FRMD4B: variants seen among roughly 807,000 people sequenced by gnomAD.
The protein encoded by FRMD4B is FERM domain-containing protein 4B.
A neutral mutation model predicts 141.5 loss-of-function variants in FRMD4B; 74 were observed. The ratio of observed to expected loss-of-function variants is 0.52; its 90% CI spans 0.43 to 0.63. The LOEUF (loss-of-function observed/expected upper bound fraction) is 0.63. Among genes scored for constraint, FRMD4B ranks in the 30% least tolerant of loss-of-function variants. The probability of loss-of-function intolerance (pLI) is 0.00; values close to 1 mark genes in which losing one functional copy is unlikely to be tolerated. For missense variants in FRMD4B, 1,366 were observed against 1,253.4 expected, an observed-to-expected ratio of 1.09 and a Z score of -1.36; for synonymous variants, 506 against 467.9, an observed-to-expected ratio of 1.08 and a Z score of -1.05.
Position 69,195,046 on chromosome 3 carries a change from A to T in FRMD4B, c.1464T>A (p.Asp488Glu). The T allele has an allele frequency of 1.2e-6, 2 of 1,613,856 alleles. No individual in the cohort carries two copies. Among genetic ancestry groups the T allele is most frequent in the African/African-American group, 1.3e-5 (1 of 75,052 alleles). ...RRRVGTAFKL[D>E]DNLLPSEEDP... ...CTTCTTCACTCGGCAGCAAGTTGTC[A>T]TCTAATTTGAACGCAGTACCCACAC... The change falls in exon 16 of 23, where the codon GAT (aspartate) becomes GAA (glutamate). Residue 488 changes from aspartate (D) to glutamate (E), a missense_variant. By Grantham distance (45) the Asp-to-Glu change is conservative. Transcript: ENST00000398540.
At chr3:69,366,755 C>T (rs1703671744) in intron 1 of FRMD4B, among the ~76,000 whole-genome samples, 1 of 151,628 alleles carries the variant, frequency 6.6e-6, no homozygotes, top group African/African-American at 2.4e-5. Context: ...AATTAATAGT[C>T]TTTGTATTTT....
chr3:69,522,430 C>T (rs1209815188), intron 1 of FRMD4B, among the ~76,000 whole-genome samples: 1 of 152,196 alleles, frequency 6.6e-6, no homozygotes, highest in East Asian at 1.9e-4. Flanking sequence ...ATAGAAAAAA[C>T]ATTTAACACT....
intron 1 of FRMD4B, among the ~76,000 whole-genome samples, chr3:69,453,807 C>T (rs1041695985): frequency 2.6e-5 from 4 of 152,024 alleles, no homozygotes; most frequent in Non-Finnish European, 5.9e-5. Flanking sequence ...TCCATGTAGC[C>T]AAGAAAAGTG....
At chr3:69,265,115 G>A (rs938165473) in intron 5 of FRMD4B, among the ~76,000 whole-genome samples, 8 of 150,108 alleles carry the variant, frequency 5.3e-5, no homozygotes. Flanking sequence ...ATTAGCCGGG[G>A]GCAGTGGTGG....
rs115386828 is a variant in FRMD4B at position 69,343,423 on chromosome 3, C to T, written c.163-29906G>A. Among the ~76,000 whole-genome samples the T allele has an allele frequency of 9.5e-3, 1,441 of 152,228 alleles. 24 individuals are homozygous for T. The highest frequency in any genetic ancestry group is 0.033 in the African/African-American group (1,355 of 41,520). ...AGCCTATCAAAAACAGAACCTTTAA[C>T]CACGGACTCCTGAATGCTTTAGGGT... On this transcript the variant is annotated intron_variant, in intron 1 of 22. Transcript: ENST00000398540.
intron 1 of FRMD4B, among the ~76,000 whole-genome samples, chr3:69,360,925 TACTA>T (rs1159141687): frequency 6.6e-6 from 1 of 152,160 alleles, no homozygotes; most frequent in Non-Finnish European, 1.5e-5. Flanking sequence ...ATCCCTTACT[TACTA>T]GTGAGAATAT....
chr3:69,274,889 C>G (rs753830345), intron 5 of FRMD4B, among the ~76,000 whole-genome samples: 2 of 152,148 alleles, frequency 1.3e-5, no homozygotes, highest in Non-Finnish European at 2.9e-5. Flanking sequence ...ACATCTAGGT[C>G]CTAGGGATTC....
In FRMD4B at chr3:69,353,632, T is replaced by TGC. The variant is rs1215800241; in HGVS notation, c.162+32195_162+32196insGC. 17 of 981,580 alleles carry TGC rather than the reference T, an allele frequency of 1.7e-5. No individual in the cohort carries two copies. The African/African-American group carries it at 2.6e-4, about 15-fold the overall frequency. 60.8% of individuals were successfully genotyped at this position (981,580 alleles called of 1,614,324 possible). On this transcript the variant is annotated intron_variant, in intron 1 of 22. Transcript: ENST00000398540. ...ACACGTATTAAGCACTTGTGCGGTGTGTGTGTGTGTGCGCGCGCGTGTGTG... is the reference window on the plus strand; with the variant it reads ...ACACGTATTAAGCACTTGTGCGGTGTGCGTGTGTGTGTGCGCGCGCGTGTGTG...
chr3:69,335,519 G>C (rs568547582), intron 1 of FRMD4B, among the ~76,000 whole-genome samples: 1 of 151,658 alleles, frequency 6.6e-6, no homozygotes, highest in African/African-American at 2.4e-5. Context: ...TTACAGGCAC[G>C]CACCACCATG....
At chr3:69,216,106 A>C (rs544797847) in intron 11 of FRMD4B, among the ~76,000 whole-genome samples, 157 bp downstream of exon 11, 1 of 151,518 alleles carries the variant, frequency 6.6e-6, no homozygotes, top group Non-Finnish European at 1.5e-5. Flanking sequence ...GTGAGCCACT[A>C]TCAGCCCACT....
At chr3:69,450,383 G>A (rs1030888539) in intron 1 of FRMD4B, among the ~76,000 whole-genome samples, 19 of 152,102 alleles carry the variant, frequency 1.2e-4, no homozygotes, top group Non-Finnish European at 2.4e-4. Context: ...CAGCTACTTG[G>A]GAGACTGAGG....
At position 69,422,382 on chromosome 3, in the gene FRMD4B, G is replaced by GA. The variant is rs374932228; in HGVS notation, c.-1+10251dup. Among the ~76,000 whole-genome samples, 458 of 122,708 alleles carry GA rather than the reference G, an allele frequency of 3.7e-3. 7 individuals carry two copies. Among genetic ancestry groups the GA allele is most frequent in the South Asian group, 0.011 (44 of 3,828 alleles). The allele number at this position is 122,708 out of a possible 152,430, so 80.5% of individuals were successfully genotyped here. A position where few individuals can be genotyped will look rare whatever the true frequency, so the allele number is the denominator to read the frequency against. On this transcript the variant is annotated intron_variant, in intron 2 of 5. Coordinates refer to the FRMD4B transcript ENST00000459638. Reference sequence around the variant, plus strand: ...AGCCTGAGCAACAGAGCGAGACTCTGAAAAAAAAAAAAAAAGAAGAGAAAA... The same window carrying GA: ...AGCCTGAGCAACAGAGCGAGACTCTGAAAAAAAAAAAAAAAAGAAGAGAAAA...
rs869209332 is a variant in FRMD4B, at chr3:69,281,823, C to CAAA, written c.501+5926_501+5928dup. The stretch of plus-strand genomic sequence containing the variant: ...TGGGTGACAGAGTAAGACTCCGTCT[C>CAAA]AAAAAAAAAAAAAAAATATATATAT... On this transcript the variant is annotated intron_variant, in intron 5 of 22. Coordinates refer to ENST00000398540, the MANE Select transcript of FRMD4B (RefSeq NM_015123.3). Among the ~76,000 whole-genome samples, 454 of 131,438 alleles carry CAAA rather than the reference C, an allele frequency of 3.5e-3. 3 individuals are homozygous for CAAA. The highest frequency in any genetic ancestry group is 0.012 in the African/African-American group (430 of 35,072). The allele number at this position is 131,438 out of a possible 152,430, so 86.2% of individuals were successfully genotyped here.
At chr3:69,325,775 T>C (rs1210478273) in intron 1 of FRMD4B, among the ~76,000 whole-genome samples, 2 of 152,182 alleles carry the variant, frequency 1.3e-5, no homozygotes, top group African/African-American at 2.4e-5. Context: ...TTATTGAGTA[T>C]AGGTTAGGTG....
intron 1 of FRMD4B, among the ~76,000 whole-genome samples, chr3:69,514,783 G>C (rs1700725969): frequency 6.6e-6 from 1 of 152,006 alleles, no homozygotes; most frequent in Non-Finnish European, 1.5e-5. Flanking sequence ...GGATGTCCGT[G>C]TTACCCAAAA....
chr3:69,465,553 C>T (rs1472304347), intron 1 of FRMD4B, among the ~76,000 whole-genome samples: 4 of 151,896 alleles, frequency 2.6e-5, no homozygotes, highest in African/African-American at 9.7e-5. Context: ...CCCCCAGCCC[C>T]CGACAGGCCC....
rs192287776 is a variant in FRMD4B at position 69,475,775 on chromosome 3, C to T, written c.-128-43014G>A. Among the ~76,000 whole-genome samples, 319 of 150,810 alleles carry T rather than the reference C, an allele frequency of 2.1e-3. 1 individual carries two copies. Among genetic ancestry groups the T allele is most frequent in the Non-Finnish European group, 4.0e-3 (270 of 67,880 alleles). ...TTTCTAGTTCTAGATCCCTGGGAAT[C>T]GCCACACCGACTTCCACAATGGTTG... On this transcript the variant is annotated intron_variant, in intron 1 of 5. Coordinates refer to the FRMD4B transcript ENST00000459638.
chr3:69,214,830 C>G (rs936919324), intron 11 of FRMD4B, among the ~76,000 whole-genome samples: 3 of 151,958 alleles, frequency 2.0e-5, no homozygotes, highest in African/African-American at 7.3e-5. Flanking sequence ...CCACTGCACT[C>G]CAGCCAAGGG....
At chr3:69,189,639 GAGACTT>G (rs2092814673) in intron 18 of FRMD4B, among the ~76,000 whole-genome samples, 1 of 152,182 alleles carries the variant, frequency 6.6e-6, no homozygotes, top group Non-Finnish European at 1.5e-5. Flanking sequence ...TCCTTACTGA[GAGACTT>G]AGATACTCCC....
Sources: gnomAD v4.1 joint callset for allele counts (sites outside exome capture counted in the v4.1 genomes callset) on GRCh38, gnomAD v4.1.1 for gene constraint, MANE v1.5 for transcripts, NCBI Gene and HGNC (gene_info 2026-07-23, HGNC 2026-07-21) for gene names.